KIF20B: variants seen among roughly 807,000 people sequenced by gnomAD.
KIF20B encodes kinesin family member 20B, also known as kinesin-like protein KIF20B.
A neutral mutation model predicts 232.5 loss-of-function variants in KIF20B; 188 were observed. The observed-to-expected ratio is 0.81, with a 90% confidence interval of 0.72 to 0.91. The LOEUF is 0.91. Ranked by LOEUF, KIF20B falls within the 40% of genes least tolerant of loss-of-function variation. KIF20B has a pLI of 0.00. For synonymous variants in KIF20B, 712 were observed against 683.0 expected (o/e 1.04, Z -0.66); for missense variants, 2,154 against 2,055.9 (o/e 1.05, Z -0.92).
chr10:89,757,069 T>TATATATATATATATATACAC (rs138088478), intron 26 of KIF20B, among the ~76,000 whole-genome samples: 2 of 134,362 alleles, frequency 1.5e-5, no homozygotes, highest in South Asian at 2.4e-4. Context: ...TATATATATA[T>TATATATATATATATATACAC]ACACACATGA....
Position 89,714,869 on chromosome 10 carries a change from A to G in KIF20B, c.713-86A>G, listed in dbSNP as rs551595097. On this transcript the variant is annotated intron_variant, in intron 7 of 32. Transcript: ENST00000371728. ...AAGATTAAGCATACTTGGTTTTTCAAGTGTGAGAATCGATTTGTACTTTTG... is the reference window on the plus strand; with the variant it reads ...AAGATTAAGCATACTTGGTTTTTCAGGTGTGAGAATCGATTTGTACTTTTG... 2.7e-5 allele frequency: 22 copies of G among 822,808 alleles called. No individual in the cohort carries two copies. The Admixed American group carries it at 5.3e-4, about 20-fold the overall frequency. 51.0% of individuals were successfully genotyped at this position (822,808 alleles called of 1,614,324 possible).
intron 23 of KIF20B, among the ~76,000 whole-genome samples, chr10:89,750,698 G>T (rs932682997): frequency 6.6e-6 from 1 of 152,054 alleles, no homozygotes; most frequent in Non-Finnish European, 1.5e-5. Context: ...TGCAGACAGG[G>T]TTAATATATA....
intron 13 of KIF20B, among the ~76,000 whole-genome samples, chr10:89,721,156 A>G (rs1311819349): frequency 2.0e-5 from 3 of 152,210 alleles, no homozygotes; most frequent in Non-Finnish European, 2.9e-5. Context: ...TGGATTGCAG[A>G]AGTATAAGTA....
At chr10:89,738,876 G>T in intron 20 of KIF20B, 82 bp from the exon 21 acceptor site, 1 of 1,415,178 alleles carries the variant, frequency 7.1e-7, no homozygotes, top group Non-Finnish European at 9.5e-7. Context: ...ATATAATTTT[G>T]TAAAGATTGT....
intron 23 of KIF20B, among the ~76,000 whole-genome samples, chr10:89,747,957 A>C (rs918698344): frequency 6.6e-6 from 1 of 152,200 alleles, no homozygotes; most frequent in African/African-American, 2.4e-5. Context: ...TGAATTATGA[A>C]TTATGCTTTT....
chr10:89,764,409 C>T (rs1374471829), intron 29 of KIF20B, among the ~76,000 whole-genome samples: 1 of 152,242 alleles, frequency 6.6e-6, no homozygotes, highest in East Asian at 1.9e-4. Flanking sequence ...TGGGTATATA[C>T]CCAGTAATGG....
chr10:89,727,362 C>T (rs1843213894), intron 16 of KIF20B, among the ~76,000 whole-genome samples: 1 of 151,944 alleles, frequency 6.6e-6, no homozygotes, highest in Admixed American at 6.6e-5. Context: ...TCAAGTGATC[C>T]TTCCACCTTA....
Position 89,760,575 on chromosome 10 carries a change from C to T in KIF20B, c.4730C>T (p.Pro1577Leu). The T allele has an allele frequency of 6.2e-7, 1 of 1,613,170 alleles. No homozygotes were observed. The highest frequency in any genetic ancestry group is 8.5e-7 in the Non-Finnish European group (1 of 1,179,392). ...CCCAAACGTATTAGTTCAGCAGATCCTGACAAACTTCAAACTGAACCTCTA... is the reference window on the plus strand; with the variant it reads ...CCCAAACGTATTAGTTCAGCAGATCTTGACAAACTTCAAACTGAACCTCTA... ...IKPKRISSAD[P>L]DKLQTEPLST... Residue 1577 changes from proline (P) to leucine (L), a missense_variant, in exon 28 of 33, where the codon CCT becomes CTT. Coordinates refer to ENST00000371728, the MANE Select transcript of KIF20B (RefSeq NM_001284259.2).
At chr10:89,731,585 C>A (rs898558755) in intron 18 of KIF20B, among the ~76,000 whole-genome samples, 4 of 152,148 alleles carry the variant, frequency 2.6e-5, no homozygotes, top group African/African-American at 9.7e-5. Flanking sequence ...CCCAAGCATA[C>A]CCTGGGAGCA....
chr10:89,749,536 A>T (rs921208569), intron 23 of KIF20B, among the ~76,000 whole-genome samples: 1 of 152,152 alleles, frequency 6.6e-6, no homozygotes, highest in Non-Finnish European at 1.5e-5. Flanking sequence ...CTTCAAAAAG[A>T]AACCCTGTAC....
At chr10:89,762,603 A>T (rs367629964) in intron 28 of KIF20B, 35 bp from the exon 29 acceptor site, 2 of 1,501,490 alleles carry the variant, frequency 1.3e-6, no homozygotes, top group Non-Finnish European at 1.8e-6. Flanking sequence ...TGTATACTCT[A>T]CAAATAATAT....
At chr10:89,701,995 C>T (rs1842621120) in intron 1 of KIF20B, among the ~76,000 whole-genome samples, 1 of 152,184 alleles carries the variant, frequency 6.6e-6, no homozygotes, top group Non-Finnish European at 1.5e-5. Context: ...AATGAAGTGT[C>T]TATTTCTTTC....
At chr10:89,771,869 G>C (rs1431603345) in intron 31 of KIF20B, among the ~76,000 whole-genome samples, 2 of 151,880 alleles carry the variant, frequency 1.3e-5, no homozygotes, top group African/African-American at 4.8e-5. Context: ...GCTTTCTCAG[G>C]TTTAGTCTCT....
At chr10:89,756,692 G>A (rs924751059) in intron 26 of KIF20B, among the ~76,000 whole-genome samples, 2 of 152,088 alleles carry the variant, frequency 1.3e-5, no homozygotes, top group African/African-American at 2.4e-5. Flanking sequence ...CTCTTTTCCA[G>A]TGGTAATAAC....
At chr10:89,739,879 AGATT>A (rs1213849452) in intron 21 of KIF20B, among the ~76,000 whole-genome samples, 1 of 152,104 alleles carries the variant, frequency 6.6e-6, no homozygotes, top group Admixed American at 6.5e-5. Context: ...CATATTTCTG[AGATT>A]GATTTTGTAC....
At position 89,733,072 on chromosome 10, in the gene KIF20B, C is replaced by T; in HGVS notation, c.2545+16C>T. ...GCAAAGAAAGGTACTACTTCAGCTG[C>T]CAGCAGCAGGCGTTTAAGAAAGCTA... is the stretch of plus-strand genomic sequence containing the variant. On this transcript the variant is annotated intron_variant, in intron 19 of 32. Transcript: ENST00000371728. The T allele has an allele frequency of 6.2e-7, 1 of 1,612,566 alleles. No homozygotes were observed. Among genetic ancestry groups the T allele is most frequent in the Non-Finnish European group, 8.5e-7 (1 of 1,179,044 alleles).
intron 13 of KIF20B, 138 bp downstream of exon 13, chr10:89,719,844 C>T (rs1843013559): frequency 4.6e-6 from 3 of 649,416 alleles, no homozygotes; most frequent in Non-Finnish European, 7.7e-6. Flanking sequence ...TGAAAAATTT[C>T]AAACCTATAG....
At chr10:89,721,993 C>T (rs2133102725) in intron 13 of KIF20B, among the ~76,000 whole-genome samples, 2 of 152,216 alleles carry the variant, frequency 1.3e-5, no homozygotes, top group East Asian at 3.9e-4. Flanking sequence ...CTCACTGCAG[C>T]TTCGAAATCC....
chr10:89,723,127 G>C (rs977129163), intron 13 of KIF20B, among the ~76,000 whole-genome samples: 4 of 152,104 alleles, frequency 2.6e-5, no homozygotes, highest in African/African-American at 9.7e-5. Flanking sequence ...ATTATTTTCA[G>C]TATAAATTCT....
Sources: gnomAD v4.1 joint callset for allele counts (sites outside exome capture counted in the v4.1 genomes callset) on GRCh38, gnomAD v4.1.1 for gene constraint, MANE v1.5 for transcripts, NCBI Gene and HGNC (gene_info 2026-07-23, HGNC 2026-07-21) for gene names.